Variants in PKP1 observed in about 807,000 individuals in gnomAD.
The protein encoded by PKP1 is plakophilin 1.
A neutral mutation model predicts 76.4 loss-of-function variants in PKP1; 27 were observed. That is an observed-to-expected ratio of 0.35 (90% CI 0.26 to 0.49). The LOEUF is 0.49. Among genes scored for constraint, PKP1 ranks in the 20% least tolerant of loss-of-function variants. The probability of loss-of-function intolerance (pLI) is 0.99; values close to 1 mark genes in which losing one functional copy is unlikely to be tolerated. For synonymous variants in PKP1, 404 were observed against 384.2 expected (o/e 1.05, Z -0.60); for missense variants, 964 against 955.2 (o/e 1.01, Z -0.12).
At position 201,283,572 on chromosome 1, in the gene PKP1, C is replaced by A; in HGVS notation, c.-131C>A. The A allele has an allele frequency of 1.2e-6, 1 of 820,970 alleles. No homozygotes were observed. Among genetic ancestry groups the A allele is most frequent in the Non-Finnish European group, 2.0e-6 (1 of 495,284 alleles). The allele number at this position is 820,970 out of a possible 1,614,324, so 50.9% of individuals were successfully genotyped here. A position where few individuals can be genotyped will look rare whatever the true frequency, so the allele number is the denominator to read the frequency against. On this transcript the variant is annotated 5_prime_UTR_variant, in exon 1 of 14. Transcript: ENST00000367324. ...AGCTGCAGGGAGCCCTCACGCGGAC[C>A]ACGCACTCTATGGCCGTAGGGAGCC...
At position 201,317,782 on chromosome 1, in the gene PKP1, A is replaced by G. The variant is rs1558192830; in HGVS notation, c.1054+3A>G. ...CGAGATCCAGAAGCAGCTGACTGGT[A>G]GGACAACACGGCCACCGAGAGCCAG... On this transcript the variant is annotated splice_donor_region_variant and intron_variant, in intron 5 of 13. Coordinates refer to ENST00000367324, the MANE Select transcript of PKP1 (RefSeq NM_001005337.3). The G allele has an allele frequency of 1.9e-6, 3 of 1,612,568 alleles. No individual in the cohort carries two copies. Among genetic ancestry groups the G allele is most frequent in the South Asian group, 2.2e-5 (2 of 90,956 alleles).
At chr1:201,328,169 G>A (rs1010023969) in intron 12 of PKP1, among the ~76,000 whole-genome samples, 9 of 152,324 alleles carry the variant, frequency 5.9e-5, no homozygotes, top group African/African-American at 2.2e-4. Context: ...TCACTTGGAA[G>A]CATGTATTGG....
At chr1:201,285,261 CA>C (rs1314691335) in intron 1 of PKP1, among the ~76,000 whole-genome samples, 5 of 136,380 alleles carry the variant, frequency 3.7e-5, no homozygotes, top group African/African-American at 1.4e-4. Flanking sequence ...CACACACACA[CA>C]CACCTCACAC....
chr1:201,285,203 C>T (rs1428033330), intron 1 of PKP1, among the ~76,000 whole-genome samples: 1 of 145,250 alleles, frequency 6.9e-6, no homozygotes, highest in Non-Finnish European at 1.5e-5. Flanking sequence ...CAAAAGAAAC[C>T]GACCCTGGCC....
chr1:201,308,634 G>T (rs1322592772), intron 2 of PKP1, among the ~76,000 whole-genome samples: 1 of 152,164 alleles, frequency 6.6e-6, no homozygotes, highest in Non-Finnish European at 1.5e-5. Flanking sequence ...GGGTGGAGGA[G>T]CATCTGAACA....
At chr1:201,309,003 T>A (rs1159673806) in intron 2 of PKP1, among the ~76,000 whole-genome samples, 1 of 151,940 alleles carries the variant, frequency 6.6e-6, no homozygotes, top group Non-Finnish European at 1.5e-5. Context: ...GAGGATGCCA[T>A]CTCTTTTTGA....
At chr1:201,319,749 G>GTT in intron 6 of PKP1, 1 of 1,542,160 alleles carries the variant, frequency 6.5e-7, no homozygotes, top group Non-Finnish European at 9.0e-7. Flanking sequence ...AGCTTCTGGT[G>GTT]CCCAGCCCGG....
At chr1:201,317,518 C>A in intron 4 of PKP1, 54 bp from the exon 5 acceptor site, 1 of 1,453,984 alleles carries the variant, frequency 6.9e-7, no homozygotes, top group Non-Finnish European at 9.6e-7. Context: ...TAGAGAATAA[C>A]TAGATCAGCC....
intron 2 of PKP1, among the ~76,000 whole-genome samples, chr1:201,303,356 G>C (rs1191279131): frequency 6.6e-6 from 1 of 152,046 alleles, no homozygotes; most frequent in East Asian, 1.9e-4. Flanking sequence ...TTGAACTCCT[G>C]GGTTCAAGCA....
intron 4 of PKP1, among the ~76,000 whole-genome samples, chr1:201,316,907 G>T (rs538331717): frequency 1.3e-5 from 2 of 152,310 alleles, no homozygotes; most frequent in South Asian, 4.1e-4. Context: ...ACATTAGGCA[G>T]GTACAATTCC....
chr1:201,315,711 G>A (rs1656701067), intron 3 of PKP1, among the ~76,000 whole-genome samples: 1 of 152,190 alleles, frequency 6.6e-6, no homozygotes, highest in South Asian at 2.1e-4. Context: ...AAAAAAGGTT[G>A]ACTACAGACA....
Position 201,323,190 on chromosome 1 carries a change from G to C in PKP1, c.1680+1G>C. On this transcript the variant is annotated splice_donor_variant, in intron 9 of 13. Coordinates refer to ENST00000367324, the MANE Select transcript of PKP1 (RefSeq NM_001005337.3). LOFTEE classifies it high-confidence loss of function. ...GAACCTGACAGCCAGCAAGGGGCTG[G>C]TGAGTGGGACTGTACCTTCTCTACT... is the stretch of plus-strand genomic sequence containing the variant. The C allele has an allele frequency of 6.2e-7, 1 of 1,613,590 alleles. No homozygotes were observed. Among genetic ancestry groups the C allele is most frequent in the Non-Finnish European group, 8.5e-7 (1 of 1,179,772 alleles).
intron 8 of PKP1, among the ~76,000 whole-genome samples, chr1:201,322,700 C>T (rs1656984477): frequency 6.6e-6 from 1 of 152,166 alleles, no homozygotes; most frequent in Admixed American, 6.5e-5. Context: ...AAAGCAGCCC[C>T]ACATATCTGG....
intron 1 of PKP1, among the ~76,000 whole-genome samples, chr1:201,289,097 A>G (rs1023300001): frequency 4.6e-5 from 7 of 152,186 alleles, no homozygotes; most frequent in African/African-American, 1.7e-4. Context: ...GCAGCCCAGC[A>G]GAGGGGGCAG....
chr1:201,322,208 T>C (rs1656970054), intron 8 of PKP1, 75 bp downstream of exon 8: 5 of 1,509,024 alleles, frequency 3.3e-6, no homozygotes, highest in Middle Eastern at 3.4e-4. Flanking sequence ...ATCTGCCCTT[T>C]CCTCTGGGCC....
Position 201,317,644 on chromosome 1 carries a change from G to C in PKP1, c.919G>C (p.Ala307Pro). ...RSPNQNVQQA[A>P]AGALRNLVFR... ...CCCCAACCAGAACGTCCAGCAGGCC[G>C]CGGCAGGGGCCCTGCGCAACCTGGT... Residue 307 changes from alanine (A) to proline (P), a missense_variant, in exon 5 of 14, where the codon GCG becomes CCG. Physicochemically the swap from Ala to Pro is conservative, Grantham distance 27 (BLOSUM62 -1). Coordinates refer to ENST00000367324, the MANE Select transcript of PKP1 (RefSeq NM_001005337.3). 6.2e-7 allele frequency: 1 copy of C among 1,614,004 alleles called. No homozygotes were observed. Among genetic ancestry groups the C allele is most frequent in the Non-Finnish European group, 8.5e-7 (1 of 1,180,012 alleles).
In PKP1 at chr1:201,330,750, G is replaced by A. The variant is rs3795628; in HGVS notation, c.*709G>A. On this transcript the variant is annotated 3_prime_UTR_variant, in exon 14 of 14. Coordinates refer to ENST00000367324, the MANE Select transcript of PKP1 (RefSeq NM_001005337.3). The stretch of plus-strand genomic sequence containing the variant: ...TGTCACCCCTCCAGCAGCGCCACAA[G>A]GACTGAGGTTGGGTAGGTGTGGGGT... 0.045 allele frequency: 6,893 copies of A among 152,364 alleles called. 209 individuals are homozygous for A. Among genetic ancestry groups the A allele is most frequent in the South Asian group, 0.066 (319 of 4,820 alleles). 9.4% of individuals were successfully genotyped at this position (152,364 alleles called of 1,614,324 possible).
chr1:201,283,582 A>C lies in PKP1; in HGVS notation c.-121A>C. 1.1e-6 allele frequency: 1 copy of C among 887,734 alleles called. No individual in the cohort carries two copies. Among genetic ancestry groups the C allele is most frequent in the South Asian group, 1.4e-5 (1 of 70,182 alleles). The allele number at this position is 887,734 out of a possible 1,614,324, so 55.0% of individuals were successfully genotyped here. On this transcript the variant is annotated 5_prime_UTR_variant, in exon 1 of 14. The change abolishes an upstream ATG in the 5' untranslated region. Coordinates refer to ENST00000367324, the MANE Select transcript of PKP1 (RefSeq NM_001005337.3). ...AGCCCTCACGCGGACCACGCACTCTATGGCCGTAGGGAGCCGCTGAGAGCG... is the reference window on the plus strand; with the variant it reads ...AGCCCTCACGCGGACCACGCACTCTCTGGCCGTAGGGAGCCGCTGAGAGCG...
chr1:201,294,739 G>A (rs1160733937), intron 2 of PKP1, among the ~76,000 whole-genome samples: 2 of 152,202 alleles, frequency 1.3e-5, no homozygotes, highest in African/African-American at 4.8e-5. Flanking sequence ...GGTTATTTTA[G>A]ATCCTGTAAT....
Sources: allele counts gnomAD v4.1 joint callset (sites outside exome capture counted in the v4.1 genomes callset), GRCh38; gene constraint gnomAD v4.1.1; transcripts MANE v1.5; gene names NCBI Gene and HGNC (gene_info 2026-07-23, HGNC 2026-07-21).